Variants in PHC2 observed in about 807,000 individuals in gnomAD.
The protein encoded by PHC2 is polyhomeotic-like protein 2.
PHC2 carries 29 observed loss-of-function variants against 87.4 expected under a neutral mutation model. The ratio of observed to expected loss-of-function variants is 0.33; its 90% CI spans 0.25 to 0.45. The LOEUF (loss-of-function observed/expected upper bound fraction) is 0.45, where lower values mean the gene tolerates loss of function less well. Among genes scored for constraint, PHC2 ranks in the 20% least tolerant of loss-of-function variants. The probability of loss-of-function intolerance (pLI) is 1.00; values close to 1 mark genes in which losing one functional copy is unlikely to be tolerated. For missense variants in PHC2, 857 were observed against 1,136.7 expected (o/e 0.75, Z 3.54); for synonymous variants, 438 against 461.7 (o/e 0.95, Z 0.66).
intron 14 of PHC2, among the ~76,000 whole-genome samples, chr1:33,327,694 CT>C (rs891921996): frequency 4.7e-4 from 72 of 152,354 alleles, no homozygotes; most frequent in African/African-American, 1.6e-3. Context: ...GGACATCCCA[CT>C]GCCATGCATA....
intron 7 of PHC2, among the ~76,000 whole-genome samples, chr1:33,356,095 C>T (rs554679213): frequency 6.6e-6 from 1 of 151,744 alleles, no homozygotes; most frequent in South Asian, 2.1e-4. Flanking sequence ...ATCTGTCTTC[C>T]AGATCATGAA....
chr1:33,371,187 G>GTCC, intron 3 of PHC2, 93 bp from the exon 4 acceptor site: 1 of 1,087,220 alleles, frequency 9.2e-7, no homozygotes, highest in Non-Finnish European at 1.4e-6. Context: ...GCAGGCTGGT[G>GTCC]TTAAGGACAA....
At chr1:33,338,418 AGT>A (rs1406963031) in intron 9 of PHC2, among the ~76,000 whole-genome samples, 1 of 152,300 alleles carries the variant, frequency 6.6e-6, no homozygotes, top group East Asian at 1.9e-4. Flanking sequence ...CAGATGGGAG[AGT>A]GTTTTATGAA....
chr1:33,348,051 G>C (rs1646878232), intron 9 of PHC2, among the ~76,000 whole-genome samples: 2 of 152,200 alleles, frequency 1.3e-5, no homozygotes, highest in South Asian at 4.1e-4. Context: ...TACCTAAAAT[G>C]GGAGCCAAAT....
intron 2 of PHC2, among the ~76,000 whole-genome samples, chr1:33,374,312 T>G (rs1485566474): frequency 2.0e-5 from 3 of 152,126 alleles, no homozygotes. Flanking sequence ...CCTAGAATTG[T>G]GATGAGTGGC....
intron 1 of PHC2, among the ~76,000 whole-genome samples, chr1:33,416,048 T>C (rs557483766): frequency 6.6e-6 from 1 of 152,046 alleles, no homozygotes; most frequent in African/African-American, 2.4e-5. Flanking sequence ...ATTCATGAAA[T>C]TGGAGCTCCA....
rs570775810 is a variant in PHC2, at chr1:33,360,530, TGACACATACCACATA to T, written c.977-5292_977-5278del. Among the ~76,000 whole-genome samples the T allele has an allele frequency of 3.3e-3, 502 of 152,346 alleles. 1 individual carries two copies. The highest frequency in any genetic ancestry group is 0.011 in the African/African-American group (472 of 41,572). On this transcript the variant is annotated intron_variant, in intron 7 of 14. Coordinates refer to ENST00000683057, the MANE Select transcript of PHC2 (RefSeq NM_001385109.1). ...TCTTGACTTGCTGTTCTGTAAATGG[TGACACATACCACATA>T]GTTGTTAGTATCAAATGGACTATTT...
intron 2 of PHC2, among the ~76,000 whole-genome samples, chr1:33,374,246 T>C (rs1648031136): frequency 6.6e-6 from 1 of 152,174 alleles, no homozygotes; most frequent in South Asian, 2.1e-4. Context: ...AGGATGGTTC[T>C]GCATGCAACC....
chr1:33,354,940 A>T lies in PHC2; in HGVS notation c.1290T>A (p.Thr430=), dbSNP rs1647041747. Residue 430 remains threonine, a synonymous_variant, in exon 8 of 15, where the codon ACT becomes ACA. Transcript: ENST00000683057. The stretch of plus-strand genomic sequence containing the variant: ...CCTCGGGATGTCCATTCTGAGGCCC[A>T]GTATCAGGTGTGGGAGGGTGACACT... The part of the protein sequence containing the change: ...SQQCHPPTPD[T]GPQNGHPEGV... 6.2e-7 allele frequency: 1 copy of T among 1,614,198 alleles called. No individual in the cohort carries two copies. Among genetic ancestry groups the T allele is most frequent in the Non-Finnish European group, 8.5e-7 (1 of 1,180,040 alleles).
intron 7 of PHC2, among the ~76,000 whole-genome samples, chr1:33,357,877 T>A (rs1647122312): frequency 6.6e-6 from 1 of 152,164 alleles, no homozygotes; most frequent in African/African-American, 2.4e-5. Flanking sequence ...GGATTCCTGC[T>A]CCTGGGATGT....
Position 33,329,158 on chromosome 1 carries a change from G to A in PHC2, c.2149-12C>T. 1 of 1,607,468 alleles carries A rather than the reference G, an allele frequency of 6.2e-7. No homozygotes were observed. The highest frequency in any genetic ancestry group is 8.5e-7 in the Non-Finnish European group (1 of 1,175,468). On this transcript the variant is annotated splice_polypyrimidine_tract_variant and intron_variant, in intron 13 of 14. Transcript: ENST00000683057. ...ACAGTGCCTGTTGGCTGGGAGCAGA[G>A]AGTTTTCTTCAGGATGGGGGAACAA...
In PHC2 at chr1:33,370,556, G is replaced by A; in HGVS notation, c.441C>T (p.Ala147=). The A allele has an allele frequency of 6.2e-7, 1 of 1,613,674 alleles. No homozygotes were observed. The highest frequency in any genetic ancestry group is 8.5e-7 in the Non-Finnish European group (1 of 1,179,646). ...SINLAASPAA[A]QLLNRAQSVN... ...CACTCTGGGCCCGGTTGAGGAGCTG[G>A]GCTGCTGCTGGGGAGGCTGCCAGGT... Residue 147 remains alanine (A), a synonymous_variant, in exon 5 of 15, where the codon GCC becomes GCT. Transcript: ENST00000683057.
chr1:33,413,720 C>G (rs1022619901), intron 1 of PHC2, among the ~76,000 whole-genome samples: 10 of 152,198 alleles, frequency 6.6e-5, no homozygotes, highest in Admixed American at 2.0e-4. Context: ...CAGTCTTTTT[C>G]AGTAAAACTG....
chr1:33,430,459 G>C (rs922080786), intron 1 of PHC2, among the ~76,000 whole-genome samples: 2 of 151,932 alleles, frequency 1.3e-5, no homozygotes, highest in African/African-American at 4.8e-5. Context: ...GCCGCGGCTG[G>C]GGAGCGGGCG....
chr1:33,342,469 C>G (rs1244790831), intron 9 of PHC2, among the ~76,000 whole-genome samples: 1 of 152,214 alleles, frequency 6.6e-6, no homozygotes, highest in African/African-American at 2.4e-5. Flanking sequence ...GTGCTCCAAG[C>G]TGCCACCCCC....
Position 33,354,947 on chromosome 1 carries a change from G to A in PHC2, c.1283C>T (p.Pro428Leu), listed in dbSNP as rs1370685763. The change falls in exon 8 of 15, where the codon CCT (proline) becomes CTT (leucine). Residue 428 changes from proline to leucine, a missense_variant. Transcript: ENST00000683057. ...GGSQQCHPPT[P>L]DTGPQNGHPE... The stretch of plus-strand genomic sequence containing the variant: ...ATGTCCATTCTGAGGCCCAGTATCA[G>A]GTGTGGGAGGGTGACACTGCTGACT... The A allele has an allele frequency of 6.2e-7, 1 of 1,614,228 alleles. No homozygotes were observed. The highest frequency in any genetic ancestry group is 8.5e-7 in the Non-Finnish European group (1 of 1,180,046).
At position 33,386,420 on chromosome 1, in the gene PHC2, G is replaced by A. The variant is rs1648758203; in HGVS notation, c.-54-10827C>T. ...AATCATCCCAGCTACTCATGAGGCT[G>A]AGGCAGGAGAATCCCTTGAACCTGG... On this transcript the variant is annotated intron_variant, in intron 1 of 14. Coordinates refer to ENST00000683057, the MANE Select transcript of PHC2 (RefSeq NM_001385109.1). 2.0e-5 allele frequency among the ~76,000 whole-genome samples: 3 copies of A among 151,872 alleles called. No homozygotes were observed. The South Asian group carries it at 6.2e-4, about 32-fold the overall frequency.
chr1:33,369,981 A>G lies in PHC2; in HGVS notation c.576+440T>C, dbSNP rs1264695908. Among the ~76,000 whole-genome samples, 1 of 152,146 alleles carries G rather than the reference A, an allele frequency of 6.6e-6. No homozygotes were observed. Among genetic ancestry groups the G allele is most frequent in the Non-Finnish European group, 1.5e-5 (1 of 68,026 alleles). On this transcript the variant is annotated intron_variant, in intron 5 of 14. Coordinates refer to ENST00000683057, the MANE Select transcript of PHC2 (RefSeq NM_001385109.1). The surrounding 1 kb of genome is among the most constrained non-coding windows in gnomAD (Gnocchi z 4.7). ...TGGGAGGGCAATGGAGGCACGCTGA[A>G]GCTGGAAAGCATCTTTGGCCCTTGA...
intron 1 of PHC2, among the ~76,000 whole-genome samples, chr1:33,390,284 T>A (rs935744047): frequency 6.6e-6 from 1 of 152,262 alleles, no homozygotes; most frequent in Non-Finnish European, 1.5e-5. Context: ...TGCTTATTTT[T>A]AACTTATCCA....
Sources: gnomAD v4.1 joint callset for allele counts (sites outside exome capture counted in the v4.1 genomes callset) on GRCh38, gnomAD v4.1.1 for gene constraint, Gnocchi (gnomAD v3.1) non-coding constraint, MANE v1.5 for transcripts, NCBI Gene and HGNC (gene_info 2026-07-23, HGNC 2026-07-21) for gene names.